Variants in NMNAT1 observed in about 807,000 individuals in gnomAD.
The protein encoded by NMNAT1 is nicotinamide/nicotinic acid mononucleotide adenylyltransferase 1.
A neutral mutation model predicts 16.7 loss-of-function variants in NMNAT1; 11 were observed. That is an observed-to-expected ratio of 0.66 (90% CI 0.41 to 1.09). The LOEUF is 1.09. Ranked by LOEUF, NMNAT1 falls within the 50% of genes least tolerant of loss-of-function variation. The probability of loss-of-function intolerance (pLI) is 0.00; values close to 1 mark genes in which losing one functional copy is unlikely to be tolerated. For synonymous variants in NMNAT1, 110 were observed against 119.8 expected, an observed-to-expected ratio of 0.92 and a Z score of 0.53; for missense variants, 280 against 332.3, an observed-to-expected ratio of 0.84 and a Z score of 1.22.
rs111701837 is a variant in NMNAT1 at position 9,961,828 on chromosome 1, A to C, written c.-56-10190A>C. Among the ~76,000 whole-genome samples, 741 of 151,908 alleles carry C rather than the reference A, an allele frequency of 4.9e-3. 10 individuals are homozygous for C. The highest frequency in any genetic ancestry group is 0.017 in the African/African-American group (699 of 41,432). On this transcript the variant is annotated intron_variant, in intron 1 of 4. Transcript: ENST00000377205. ...CTCTTGTTGCCCAGGTTGGAGTGCA[A>C]TGGCATGATCTCGGCTCGCCGCAAC...
At chr1:9,953,079 C>CTT in intron 1 of NMNAT1, among the ~76,000 whole-genome samples, 1 of 151,260 alleles carries the variant, frequency 6.6e-6, no homozygotes, top group East Asian at 2.0e-4. Context: ...CTCCTAGGTT[C>CTT]AAGCAATTCT....
At chr1:9,974,552 C>A (rs535650875) in intron 2 of NMNAT1, among the ~76,000 whole-genome samples, 4 of 152,108 alleles carry the variant, frequency 2.6e-5, no homozygotes, top group African/African-American at 9.6e-5. Flanking sequence ...CCATGCCTGG[C>A]TAATTTTTTG....
rs1641571384 is a variant in NMNAT1 at position 9,967,346 on chromosome 1, A to G, written c.-56-4672A>G. 7 of 154,096 alleles carry G rather than the reference A, an allele frequency of 4.5e-5. No homozygotes were observed. In the Admixed American group the frequency reaches 4.6e-4, roughly 10 times the overall value. 9.5% of individuals were successfully genotyped at this position (154,096 alleles called of 1,614,324 possible). A position where few individuals can be genotyped will look rare whatever the true frequency, so the allele number is the denominator to read the frequency against. ...AACTTACTTGATCTCCCATGCGCCT[A>G]TCAAACTTACTTGATCTCCCACGAA... On this transcript the variant is annotated intron_variant, in intron 1 of 4. Transcript: ENST00000377205.
chr1:9,988,431 T>C (rs1642072244), downstream of NMNAT1, among the ~76,000 whole-genome samples: 1 of 152,128 alleles, frequency 6.6e-6, no homozygotes, highest in Non-Finnish European at 1.5e-5. Flanking sequence ...CTGGGTGTGA[T>C]GAATCATGCC....
intron 4 of NMNAT1, among the ~76,000 whole-genome samples, chr1:9,982,009 G>A (rs919812840): frequency 1.7e-4 from 26 of 152,214 alleles, no homozygotes; most frequent in Admixed American, 8.5e-4. Context: ...GGTTACAGGC[G>A]TGCGCCACCA....
chr1:9,944,472 C>T (rs1640918759), intron 1 of NMNAT1, among the ~76,000 whole-genome samples: 1 of 152,134 alleles, frequency 6.6e-6, no homozygotes, highest in South Asian at 2.1e-4. Context: ...CACAGAACAA[C>T]ATCAGTGTTC....
intron 1 of NMNAT1, among the ~76,000 whole-genome samples, chr1:9,958,053 C>T (rs1460933343): frequency 6.6e-6 from 1 of 152,136 alleles, no homozygotes; most frequent in African/African-American, 2.4e-5. Context: ...AAGTTAAGCT[C>T]AGTTTACCCA....
rs1490260432 is a variant in NMNAT1 at position 9,962,232 on chromosome 1, C to G, written c.-56-9786C>G. On this transcript the variant is annotated intron_variant, in intron 1 of 4. Transcript: ENST00000377205. ...GCGCGGTGGCTCACGCCTATAATCC[C>G]AGCACTTTTGGAGGCTGAGGCAGGC... is the stretch of plus-strand genomic sequence containing the variant. Among the ~76,000 whole-genome samples the G allele has an allele frequency of 4.0e-5, 6 of 151,804 alleles. No individual in the cohort carries two copies. The East Asian group carries it at 1.2e-3, about 30-fold the overall frequency.
chr1:9,971,136 C>T (rs1641678474), intron 1 of NMNAT1, among the ~76,000 whole-genome samples: 1 of 152,110 alleles, frequency 6.6e-6, no homozygotes. Flanking sequence ...CATCGGTGCT[C>T]TCCCACATGT....
At chr1:9,961,178 C>T (rs1641398369) in intron 1 of NMNAT1, among the ~76,000 whole-genome samples, 1 of 152,184 alleles carries the variant, frequency 6.6e-6, no homozygotes, top group Non-Finnish European at 1.5e-5. Flanking sequence ...CCTTCCACAT[C>T]CCTTGGGCAT....
intron 1 of NMNAT1, chr1:9,967,469 T>G (rs1641574808): frequency 6.6e-6 from 1 of 152,564 alleles, no homozygotes; most frequent in Admixed American, 6.6e-5. Flanking sequence ...CCAGAAAGAT[T>G]AGAAAGCAAA....
the NMNAT1 span, among the ~76,000 whole-genome samples, chr1:9,994,094 A>G: frequency 2.0e-5 from 3 of 147,020 alleles, no homozygotes; most frequent in South Asian, 6.5e-4. Flanking sequence ...CACTCAACAA[A>G]TGTTAGCTTT....
At chr1:9,965,763 T>C (rs1346685759) in intron 1 of NMNAT1, among the ~76,000 whole-genome samples, 1 of 152,094 alleles carries the variant, frequency 6.6e-6, no homozygotes, top group Admixed American at 6.6e-5. Flanking sequence ...TTTGAGAGGC[T>C]GAGGCAGGAG....
intron 4 of NMNAT1, 70 bp downstream of exon 4, chr1:9,981,240 A>ATT (rs747818869): frequency 3.0e-5 from 42 of 1,386,070 alleles, no homozygotes; most frequent in East Asian, 5.4e-5. Context: ...ACCCCTGTGT[A>ATT]TTTTTTTTTT....
chr1:9,955,379 G>A (rs1641231960), intron 1 of NMNAT1, among the ~76,000 whole-genome samples: 1 of 147,746 alleles, frequency 6.8e-6, no homozygotes. Flanking sequence ...ACTCCAGCCT[G>A]GGGACAAGAG....
chr1:9,948,185 C>G (rs964417209), intron 1 of NMNAT1, among the ~76,000 whole-genome samples: 4 of 152,094 alleles, frequency 2.6e-5, no homozygotes, highest in Non-Finnish European at 5.9e-5. Context: ...ACAGTCATTT[C>G]CATGTGTTCA....
intron 2 of NMNAT1, 110 bp downstream of exon 2, chr1:9,972,298 C>T (rs879649508): frequency 7.4e-6 from 5 of 675,978 alleles, no homozygotes; most frequent in Non-Finnish European, 1.3e-5. Flanking sequence ...ATCACAAGGT[C>T]AAGAGATCGA....
intron 1 of NMNAT1, among the ~76,000 whole-genome samples, chr1:9,954,188 T>C (rs138367089): frequency 2.6e-5 from 4 of 152,194 alleles, no homozygotes; most frequent in African/African-American, 7.2e-5. Flanking sequence ...TTCTCCACAT[T>C]TCAGAATGTT....
chr1:9,953,742 T>A (rs1641176059), intron 1 of NMNAT1, among the ~76,000 whole-genome samples: 1 of 129,148 alleles, frequency 7.7e-6, no homozygotes, highest in African/African-American at 2.8e-5. Context: ...CACCCGGCCC[T>A]ATTTTTTCAT....
Sources: gnomAD v4.1 joint callset for allele counts (sites outside exome capture counted in the v4.1 genomes callset) on GRCh38, gnomAD v4.1.1 for gene constraint, MANE v1.5 for transcripts, NCBI Gene and HGNC (gene_info 2026-07-23, HGNC 2026-07-21) for gene names.